The following OSBPL1A variants were observed in gnomAD, a reference collection of about 807,000 sequenced individuals.
OSBPL1A encodes oxysterol-binding protein-related protein 1.
A neutral mutation model predicts 137.1 loss-of-function variants in OSBPL1A; 80 were observed. That is an observed-to-expected ratio of 0.58 (90% CI 0.49 to 0.70). The LOEUF is 0.70. Among genes scored for constraint, OSBPL1A ranks in the 30% least tolerant of loss-of-function variants. The pLI, the probability that OSBPL1A is intolerant of heterozygous loss-of-function variation, is 0.00. For missense variants in OSBPL1A, 970 were observed against 1,129.4 expected (o/e 0.86, Z 2.02); for synonymous variants, 365 against 389.7 (o/e 0.94, Z 0.75).
chr18:24,291,378 G>A (rs2090171308), intron 14 of OSBPL1A, among the ~76,000 whole-genome samples: 1 of 152,164 alleles, frequency 6.6e-6, no homozygotes, highest in South Asian at 2.1e-4. Flanking sequence ...AGATTAGAAA[G>A]TAGAAAGTCA....
chr18:24,380,685 C>T (rs1275173919), intron 1 of OSBPL1A, among the ~76,000 whole-genome samples: 1 of 152,228 alleles, frequency 6.6e-6, no homozygotes, highest in African/African-American at 2.4e-5. Flanking sequence ...GGAGCGGTGG[C>T]TCACGCCTGT....
intron 6 of OSBPL1A, among the ~76,000 whole-genome samples, chr18:24,333,389 C>A (rs1232004485): frequency 6.6e-6 from 1 of 152,198 alleles, no homozygotes; most frequent in African/African-American, 2.4e-5. Context: ...GATTTACATG[C>A]CCCTACCAGG....
chr18:24,282,368 T>C (rs979551299), intron 14 of OSBPL1A, among the ~76,000 whole-genome samples: 3 of 152,208 alleles, frequency 2.0e-5, no homozygotes, highest in African/African-American at 7.2e-5. Context: ...GAAAACAGCA[T>C]TAACTCTACT....
At position 24,256,953 on chromosome 18, in the gene OSBPL1A, T is replaced by G. The variant is rs1219012926; in HGVS notation, c.1282-17571A>C. Among the ~76,000 whole-genome samples the G allele has an allele frequency of 5.4e-5, 3 of 56,004 alleles. No individual in the cohort carries two copies. The East Asian group carries it at 1.2e-3, about 22-fold the overall frequency. The allele number at this position is 56,004 out of a possible 152,430, so 36.7% of individuals were successfully genotyped here. On this transcript the variant is annotated intron_variant, in intron 15 of 27. Coordinates refer to ENST00000319481, the MANE Select transcript of OSBPL1A (RefSeq NM_080597.4). The stretch of plus-strand genomic sequence containing the variant: ...AACTATAAAACGCTGATGAAAGAAC[T>G]GAAGAGGATGCAAAAAAAAAAAAAA...
chr18:24,164,143 T>G (rs1307130342), intron 27 of OSBPL1A, among the ~76,000 whole-genome samples: 1 of 152,182 alleles, frequency 6.6e-6, no homozygotes, highest in Non-Finnish European at 1.5e-5. Flanking sequence ...AAGACCATGA[T>G]TTTTCTAATA....
At chr18:24,266,923 CAAA>C (rs1472122163) in intron 15 of OSBPL1A, among the ~76,000 whole-genome samples, 1 of 151,528 alleles carries the variant, frequency 6.6e-6, no homozygotes, top group East Asian at 1.9e-4. Context: ...AAATAAAACT[CAAA>C]AAACTGATAC....
rs74863767 is a variant in OSBPL1A at position 24,228,557 on chromosome 18, C to T, written c.1445-3359G>A. On this transcript the variant is annotated intron_variant, in intron 16 of 27. Coordinates refer to ENST00000319481, the MANE Select transcript of OSBPL1A (RefSeq NM_080597.4). Reference sequence around the variant, plus strand: ...CATAAGATCTGGTCCCTGCGCATGGCCCAGCAGCGGGGAAGTGTTTTGTGA... The same window carrying T: ...CATAAGATCTGGTCCCTGCGCATGGTCCAGCAGCGGGGAAGTGTTTTGTGA... Among the ~76,000 whole-genome samples the T allele has an allele frequency of 4.2e-3, 633 of 152,256 alleles. 5 individuals carry two copies. Among genetic ancestry groups the T allele is most frequent in the African/African-American group, 0.015 (610 of 41,546 alleles).
chr18:24,229,386 T>C (rs900759217), intron 16 of OSBPL1A, among the ~76,000 whole-genome samples: 1 of 152,188 alleles, frequency 6.6e-6, no homozygotes, highest in African/African-American at 2.4e-5. Context: ...AAATAAAAAC[T>C]AGTTGCTTAA....
chr18:24,376,312 A>G (rs1481674621), intron 2 of OSBPL1A, among the ~76,000 whole-genome samples: 2 of 152,164 alleles, frequency 1.3e-5, no homozygotes, highest in Non-Finnish European at 2.9e-5. Flanking sequence ...GTGGACACAA[A>G]GGTTCTCCAA....
intron 21 of OSBPL1A, 140 bp from the exon 22 acceptor site, chr18:24,172,623 A>G: frequency 1.8e-6 from 1 of 555,292 alleles, no homozygotes; most frequent in Non-Finnish European, 3.1e-6. Context: ...TAAAAATTCT[A>G]TTGATGTTAA....
At chr18:24,194,831 G>A (rs866332557) in intron 18 of OSBPL1A, among the ~76,000 whole-genome samples, 2 of 152,198 alleles carry the variant, frequency 1.3e-5, no homozygotes, top group African/African-American at 2.4e-5. Flanking sequence ...GCCAGGAAGC[G>A]GGAGAGCGGG....
chr18:24,378,275 T>C (rs544856664), intron 1 of OSBPL1A, among the ~76,000 whole-genome samples: 14 of 151,966 alleles, frequency 9.2e-5, no homozygotes, highest in Middle Eastern at 3.4e-3. Flanking sequence ...TTAGCAAAAA[T>C]AAAAAAAGAC....
At chr18:24,360,810 G>A (rs1186503119) in intron 4 of OSBPL1A, among the ~76,000 whole-genome samples, 1 of 152,172 alleles carries the variant, frequency 6.6e-6, no homozygotes, top group Non-Finnish European at 1.5e-5. Flanking sequence ...GTGTGGGTGT[G>A]TATGTGAGTG....
At chr18:24,228,546 C>T (rs1295614268) in intron 16 of OSBPL1A, among the ~76,000 whole-genome samples, 1 of 152,108 alleles carries the variant, frequency 6.6e-6, no homozygotes, top group African/African-American at 2.4e-5. Flanking sequence ...AGATCTGGTC[C>T]CTGCGCATGG....
chr18:24,325,584 T>C (rs1467772387), intron 7 of OSBPL1A, among the ~76,000 whole-genome samples: 1 of 152,172 alleles, frequency 6.6e-6, no homozygotes, highest in Non-Finnish European at 1.5e-5. Context: ...ACCATCACTC[T>C]CTAGTCCCTT....
At chr18:24,297,579 T>C (rs2090315976) in intron 14 of OSBPL1A, among the ~76,000 whole-genome samples, 1 of 152,240 alleles carries the variant, frequency 6.6e-6, no homozygotes, top group Non-Finnish European at 1.5e-5. Context: ...CCCAGAGGTT[T>C]TGATAACTTG....
intron 17 of OSBPL1A, among the ~76,000 whole-genome samples, chr18:24,219,727 T>C (rs2087825706): frequency 6.6e-6 from 1 of 152,108 alleles, no homozygotes; most frequent in Admixed American, 6.5e-5. Context: ...GCAACTCCTA[T>C]CTGCTCTTTA....
At chr18:24,354,748 C>CAAAAAAAAAAAAAAAAAAAAAAA in intron 4 of OSBPL1A, among the ~76,000 whole-genome samples, 2 of 77,074 alleles carry the variant, frequency 2.6e-5, no homozygotes, top group Non-Finnish European at 4.9e-5. Context: ...CTCAATATAG[C>CAAAAAAAAAAAAAAAAAAAAAAA]AAAAAAAAAA....
Position 24,170,360 on chromosome 18 carries a change from C to G in OSBPL1A, c.2385G>C (p.Lys795Asn). The G allele has an allele frequency of 6.2e-7, 1 of 1,614,128 alleles. No homozygotes were observed. Among genetic ancestry groups the G allele is most frequent in the African/African-American group, 1.3e-5 (1 of 75,040 alleles). The change falls in exon 24 of 28, where the codon AAG becomes AAC. Residue 795 changes from lysine (K) to asparagine (N), a missense_variant. Lys to Asn is a moderately conservative substitution (Grantham distance 94, BLOSUM62 0). Around this residue, in one of 2 missense-constraint regions of OSBPL1A, gnomAD observed 323 missense variants for 456.8 expected, o/e 0.71. Coordinates refer to ENST00000319481, the MANE Select transcript of OSBPL1A (RefSeq NM_080597.4). Reference protein sequence around the residue: ...ATFDAYKKNDKKNTEEKKNSK... With the variant: ...ATFDAYKKNDNKNTEEKKNSK... ...TGTTCTTCTTCTCTTCTGTATTTTT[C>G]TTATCATTTTTTTTGTAAGCGTCAA...
Sources: allele counts gnomAD v4.1 joint callset (sites outside exome capture counted in the v4.1 genomes callset), GRCh38; gene constraint gnomAD v4.1.1; regional missense constraint gnomAD v4.1.1; transcripts MANE v1.5; gene names NCBI Gene and HGNC (gene_info 2026-07-23, HGNC 2026-07-21).